The following DST variants were observed in gnomAD, a reference collection of about 807,000 sequenced individuals.
DST encodes the protein bullous pemphigoid antigen.
DST carries 253 observed loss-of-function variants against 875.2 expected under a neutral mutation model. That is an observed-to-expected ratio of 0.29 (90% CI 0.26 to 0.32). DST has a LOEUF of 0.32. Ranked by LOEUF, DST falls within the 10% of genes least tolerant of loss-of-function variation. The pLI, the probability that DST is intolerant of heterozygous loss-of-function variation, is 1.00. For synonymous variants in DST, 3,124 were observed against 3,197.1 expected (o/e 0.98, Z 0.77); for missense variants, 8,287 against 9,111.6 (o/e 0.91, Z 3.68).
At chr6:56,503,402 T>C (rs998655313) in intron 78 of DST, among the ~76,000 whole-genome samples, 6 of 152,070 alleles carry the variant, frequency 3.9e-5, no homozygotes, top group African/African-American at 1.4e-4. Context: ...AACCCATAGA[T>C]ATATACCCCT....
At chr6:56,462,782 C>A (rs567957325) in intron 102 of DST, among the ~76,000 whole-genome samples, 1 of 152,124 alleles carries the variant, frequency 6.6e-6, no homozygotes, top group African/African-American at 2.4e-5. Flanking sequence ...GAACTAAGTA[C>A]GAATGAGAAC....
chr6:56,459,366 T>C (rs2094204282), intron 103 of DST, 99 bp from the exon 104 acceptor site: 1 of 1,301,868 alleles, frequency 7.7e-7, no homozygotes, highest in African/African-American at 1.5e-5. Flanking sequence ...CTTTTTTTCC[T>C]GGTGTGTAGT....
At chr6:56,948,972 G>A (rs766659272) in intron 2 of DST, among the ~76,000 whole-genome samples, 11 of 152,146 alleles carry the variant, frequency 7.2e-5, no homozygotes, top group Non-Finnish European at 1.5e-4. Context: ...AAGTATCAGT[G>A]ACAAAAGAGA....
chr6:56,614,505 G>C, intron 36 of DST, 21 bp from the exon 37 acceptor site: 1 of 1,578,124 alleles, frequency 6.3e-7, no homozygotes, highest in South Asian at 1.2e-5. Flanking sequence ...TGAGCGGTAA[G>C]AAAAATATAC....
At chr6:56,939,305 AAAG>A (rs1487933018) in intron 2 of DST, among the ~76,000 whole-genome samples, 2 of 152,232 alleles carry the variant, frequency 1.3e-5, no homozygotes, top group African/African-American at 2.4e-5. Flanking sequence ...ACTGACCCCC[AAAG>A]AAGATTTTGG....
chr6:56,633,249 C>A (rs1444063765), intron 27 of DST, among the ~76,000 whole-genome samples: 5 of 115,006 alleles, frequency 4.3e-5, no homozygotes, highest in Admixed American at 3.0e-4. Flanking sequence ...TTTTTTGAGA[C>A]GGAGTCTCGC....
chr6:56,795,456 G>A (rs1362552841), intron 4 of DST, among the ~76,000 whole-genome samples: 1 of 152,030 alleles, frequency 6.6e-6, no homozygotes, highest in Admixed American at 6.6e-5. Context: ...CAGATTAATG[G>A]AACAATCAAG....
intron 5 of DST, among the ~76,000 whole-genome samples, chr6:56,711,830 G>A (rs559258731): frequency 3.6e-4 from 55 of 151,938 alleles, no homozygotes; most frequent in African/African-American, 1.1e-3. Context: ...GGTGGCTCAC[G>A]CCTGTAATCC....
At chr6:56,642,536 T>A (rs2098916718) in intron 15 of DST, 33 bp from the exon 16 acceptor site, 1 of 1,607,116 alleles carries the variant, frequency 6.2e-7, no homozygotes, top group South Asian at 1.1e-5. Context: ...ATAAAGCTTC[T>A]CCCTTTGAAG....
rs375263033 is a variant in DST, at chr6:56,608,061, G to C, written c.6567C>G (p.Val2189=). 12 of 1,613,328 alleles carry C rather than the reference G, an allele frequency of 7.4e-6. No homozygotes were observed. The highest frequency in any genetic ancestry group is 1.3e-5 in the African/African-American group (1 of 74,864). ...EEDVFDGEEP[V]TTQTSEETKK... ...TAGTTTCTTCTGAGGTCTGAGTAGT[G>C]ACAGGTTCTTCTCCATCAAAAACAT... is the stretch of plus-strand genomic sequence containing the variant. The change falls in exon 40 of 104, where the codon GTC becomes GTG. Residue 2189 remains valine (V), a synonymous_variant. Coordinates refer to ENST00000680361, the MANE Select transcript of DST (RefSeq NM_001374736.1).
chr6:56,611,468 T>TC (rs1490884070), intron 38 of DST, 40 bp downstream of exon 38: 4 of 1,405,850 alleles, frequency 2.8e-6, no homozygotes, highest in Non-Finnish European at 4.0e-6. Context: ...TAAGAATACT[T>TC]CCCCACTTAA....
At chr6:56,582,825 T>C (rs1260157998) in intron 49 of DST, among the ~76,000 whole-genome samples, 1 of 151,974 alleles carries the variant, frequency 6.6e-6, no homozygotes, top group African/African-American at 2.4e-5. Context: ...AATTCCCACC[T>C]ATGAGTGAGA....
chr6:56,518,786 A>C (rs1464110668), intron 69 of DST, among the ~76,000 whole-genome samples: 1 of 152,198 alleles, frequency 6.6e-6, no homozygotes, highest in East Asian at 1.9e-4. Flanking sequence ...TGAGGAATGA[A>C]CATTTTGGCT....
intron 4 of DST, among the ~76,000 whole-genome samples, chr6:56,768,785 T>C (rs2099641371): frequency 6.6e-6 from 1 of 152,028 alleles, no homozygotes; most frequent in African/African-American, 2.4e-5. Flanking sequence ...TATTTGCAAA[T>C]CATGGCTGGG....
Position 56,790,905 on chromosome 6 carries a change from C to G in DST, c.626-55616G>C, listed in dbSNP as rs563470797. ...ACTTTGGCCAACAAGACCAAGATAC[C>G]TGGATCACAAGCTGTCCAACAGAAA... On this transcript the variant is annotated intron_variant, in intron 4 of 103. Coordinates refer to ENST00000680361, the MANE Select transcript of DST (RefSeq NM_001374736.1). Among the ~76,000 whole-genome samples the G allele has an allele frequency of 5.3e-5, 8 of 152,300 alleles. No homozygotes were observed. The East Asian group carries it at 1.5e-3, about 29-fold the overall frequency.
At chr6:56,638,234 C>T (rs1279364155) in intron 22 of DST, among the ~76,000 whole-genome samples, 1 of 152,038 alleles carries the variant, frequency 6.6e-6, no homozygotes, top group African/African-American at 2.4e-5. Flanking sequence ...AAGAAATACT[C>T]TTTTTAGTGT....
chr6:56,770,401 A>C (rs2099650090), intron 4 of DST, among the ~76,000 whole-genome samples: 1 of 152,216 alleles, frequency 6.6e-6, no homozygotes, highest in Admixed American at 6.5e-5. Flanking sequence ...CTCAATAAAA[A>C]TAATTTAGTT....
intron 2 of DST, among the ~76,000 whole-genome samples, chr6:56,942,573 C>T (rs1817155511): frequency 1.3e-5 from 2 of 151,914 alleles, no homozygotes; most frequent in Non-Finnish European, 1.5e-5. Flanking sequence ...AGAAACTTTG[C>T]AAATGTATAG....
intron 38 of DST, 149 bp downstream of exon 38, chr6:56,611,359 G>T: frequency 1.6e-6 from 1 of 621,456 alleles, no homozygotes; most frequent in Non-Finnish European, 2.8e-6. Flanking sequence ...AAATTACTAA[G>T]TTGATACTCT....
Sources: gnomAD v4.1 joint callset for allele counts (sites outside exome capture counted in the v4.1 genomes callset) on GRCh38, gnomAD v4.1.1 for gene constraint, MANE v1.5 for transcripts, NCBI Gene and HGNC (gene_info 2026-07-23, HGNC 2026-07-21) for gene names.